MASP1: variants seen among roughly 807,000 people sequenced by gnomAD.
The protein encoded by MASP1 is MBL associated serine protease 1, also known as mannan-binding lectin serine protease 1.
A neutral mutation model predicts 77.1 loss-of-function variants in MASP1; 59 were observed. The observed-to-expected ratio is 0.77, with a 90% CI of 0.62 to 0.95. MASP1 has a LOEUF of 0.95. MASP1 is among the 40% of genes least tolerant of loss of function. MASP1 has a pLI of 0.00. For synonymous variants in MASP1, 362 were observed against 354.5 expected (o/e 1.02, Z -0.24); for missense variants, 885 against 912.9 (o/e 0.97, Z 0.39).
At position 187,253,329 on chromosome 3, in the gene MASP1, G is replaced by C. The variant is rs1474615599; in HGVS notation, c.745-14C>G. On this transcript the variant is annotated splice_polypyrimidine_tract_variant and intron_variant, in intron 5 of 10. Transcript: ENST00000296280. Reference sequence around the variant, plus strand: ...ACCAACTTTGATCTGCAAAATATGAGAGAGAGAGAGAGAAATAGAGTGTTC... The same window carrying C: ...ACCAACTTTGATCTGCAAAATATGACAGAGAGAGAGAGAAATAGAGTGTTC... The C allele has an allele frequency of 1.9e-6, 3 of 1,609,380 alleles. No individual in the cohort carries two copies. The highest frequency in any genetic ancestry group is 1.7e-6 in the Non-Finnish European group (2 of 1,176,572).
At chr3:187,278,264 A>G (rs1302798369) in intron 2 of MASP1, among the ~76,000 whole-genome samples, 2 of 152,326 alleles carry the variant, frequency 1.3e-5, no homozygotes, top group South Asian at 2.1e-4. Flanking sequence ...TGAGCTCCCA[A>G]CCACTGAGCA....
intron 2 of MASP1, among the ~76,000 whole-genome samples, chr3:187,278,980 C>A (rs1225597292): frequency 6.6e-6 from 1 of 152,116 alleles, no homozygotes; most frequent in African/African-American, 2.4e-5. Flanking sequence ...CCCACTGCCC[C>A]ACCCCTCCGC....
chr3:187,251,691 C>T lies in MASP1; in HGVS notation c.954G>A (p.Lys318=), dbSNP rs754731462. Residue 318 remains lysine (K), a synonymous_variant, in exon 7 of 11, where the codon AAG becomes AAA. Transcript: ENST00000296280. ...CGAGCACTTGGTCTTTGAAGAAATA[C>T]TTGGCTTGGGAGGGCTCGATTTTCC... is the stretch of plus-strand genomic sequence containing the variant. ...VHGKIEPSQA[K]YFFKDQVLVS... is the part of the protein sequence containing the mutation. The T allele has an allele frequency of 1.2e-6, 2 of 1,614,074 alleles. No homozygotes were observed. Among genetic ancestry groups the T allele is most frequent in the East Asian group, 2.2e-5 (1 of 44,894 alleles).
rs1273814501 is a variant in MASP1, at chr3:187,234,591, G to GA, written c.*1092dup. 7.8e-7 allele frequency: 1 copy of GA among 1,287,048 alleles called. No homozygotes were observed. The highest frequency in any genetic ancestry group is 1.0e-6 in the Non-Finnish European group (1 of 988,678). The allele number at this position is 1,287,048 out of a possible 1,614,324, so 79.7% of individuals were successfully genotyped here. On this transcript the variant is annotated 3_prime_UTR_variant, in exon 11 of 11. Transcript: ENST00000296280. ...GTGAGCCTCTGATTCCTTTGACTCT[G>GA]AAAAATGAAGGAGTGGGTCCCTCTG...
At chr3:187,289,174 G>GC (rs1579601068) in intron 1 of MASP1, among the ~76,000 whole-genome samples, 3 of 140,384 alleles carry the variant, frequency 2.1e-5, no homozygotes, top group Non-Finnish European at 3.0e-5. Flanking sequence ...GATTTCAGAG[G>GC]CCCCCCGTAG....
chr3:187,221,926 AT>A (rs1712085241), intron 14 of MASP1, among the ~76,000 whole-genome samples: 1 of 152,232 alleles, frequency 6.6e-6, no homozygotes, highest in African/African-American at 2.4e-5. Flanking sequence ...GATGTCTGGA[AT>A]AAAAAGAGGA....
Position 187,286,064 on chromosome 3 carries a change from A to G in MASP1, c.6-8T>C. On this transcript the variant is annotated splice_region_variant and splice_polypyrimidine_tract_variant and intron_variant, in intron 1 of 10. Coordinates refer to ENST00000296280, the MANE Select transcript of MASP1 (RefSeq NM_139125.4). Reference sequence around the variant, plus strand: ...TAATAGAGAAGCAGCCACCTGAAAGACATGAATGTAGGTCTACTTACATTT... The same window carrying G: ...TAATAGAGAAGCAGCCACCTGAAAGGCATGAATGTAGGTCTACTTACATTT... The G allele has an allele frequency of 6.2e-7, 1 of 1,606,942 alleles. No homozygotes were observed. The highest frequency in any genetic ancestry group is 8.5e-7 in the Non-Finnish European group (1 of 1,173,506).
intron 5 of MASP1, among the ~76,000 whole-genome samples, chr3:187,254,288 A>G (rs6786635): frequency 0.13 from 19,108 of 152,294 alleles, 1,379 homozygotes; most frequent in East Asian, 0.25. Flanking sequence ...ATGGTAATAT[A>G]ATAGATAATA....
At chr3:187,281,550 CA>C (rs1484287729) in intron 2 of MASP1, among the ~76,000 whole-genome samples, 1 of 152,224 alleles carries the variant, frequency 6.6e-6, no homozygotes, top group African/African-American at 2.4e-5. Context: ...GATATGTTTA[CA>C]AGTTCTGTGA....
chr3:187,256,682 G>A lies in MASP1; in HGVS notation c.726C>T (p.Cys242=), dbSNP rs754845693. The stretch of plus-strand genomic sequence containing the variant: ...GGCTCACCTTGATGTAGTCATAGGG[G>A]CAGGGCACCTCAGGATGGTCCTCAA... ...FDIEDHPEVP[C]PYDYIKIKVG... The change falls in exon 5 of 11, where the codon TGC becomes TGT. Residue 242 remains cysteine (C), a synonymous_variant. Transcript: ENST00000296280. 3.7e-6 allele frequency: 6 copies of A among 1,613,980 alleles called. No individual in the cohort carries two copies. The highest frequency in any genetic ancestry group is 5.1e-6 in the Non-Finnish European group (6 of 1,180,018).
chr3:187,288,857 C>T (rs1034661140), intron 1 of MASP1, among the ~76,000 whole-genome samples: 9 of 152,162 alleles, frequency 5.9e-5, no homozygotes, highest in Admixed American at 2.0e-4. Flanking sequence ...AACTGGTCAG[C>T]GTGGGAGGAA....
intron 9 of MASP1, chr3:187,242,158 C>T (rs1017801799): frequency 3.3e-5 from 5 of 153,122 alleles, no homozygotes; most frequent in African/African-American, 1.2e-4. Context: ...TTTGTGGCCA[C>T]CATCTCACTG....
intron 4 of MASP1, among the ~76,000 whole-genome samples, chr3:187,258,336 T>C (rs900197081): frequency 2.0e-5 from 3 of 152,220 alleles, no homozygotes; most frequent in African/African-American, 7.2e-5. Context: ...CACACCTGAA[T>C]GTCTCCCATC....
rs189322433 is a variant in MASP1, at chr3:187,237,167, A to C, written c.1304-600T>G. On this transcript the variant is annotated intron_variant, in intron 10 of 10. Transcript: ENST00000296280. ...TCTGGATTTCAATTTTTGATCTGCC[A>C]AATGAGGCATTTGGTCACAATGATC... Among the ~76,000 whole-genome samples the C allele has an allele frequency of 2.0e-3, 307 of 152,358 alleles. 2 individuals are homozygous for C. The highest frequency in any genetic ancestry group is 3.7e-3 in the Non-Finnish European group (249 of 68,038).
Position 187,243,628 on chromosome 3 carries a change from G to T in MASP1, c.1091-7C>A. The T allele has an allele frequency of 1.2e-6, 2 of 1,614,138 alleles. No individual in the cohort carries two copies. Among genetic ancestry groups the T allele is most frequent in the Non-Finnish European group, 1.7e-6 (2 of 1,180,052 alleles). On this transcript the variant is annotated splice_polypyrimidine_tract_variant and splice_region_variant and intron_variant, in intron 8 of 10. Transcript: ENST00000296280. The stretch of plus-strand genomic sequence containing the variant: ...GGGGCTCTACAGTCTACAACTGAGA[G>T]AGAAGAAGTGAGACCCCTCAACTGC...
rs544618995 is a variant in MASP1 at position 187,253,937 on chromosome 3, C to T, written c.745-622G>A. On this transcript the variant is annotated intron_variant, in intron 5 of 10. Coordinates refer to ENST00000296280, the MANE Select transcript of MASP1 (RefSeq NM_139125.4). ...CGGGTTGATGGGTGCAGCAAACCACCGTGGCACATGTATACCTATGTAACA... is the reference window on the plus strand; with the variant it reads ...CGGGTTGATGGGTGCAGCAAACCACTGTGGCACATGTATACCTATGTAACA... Among the ~76,000 whole-genome samples, 5 of 151,966 alleles carry T rather than the reference C, an allele frequency of 3.3e-5. No homozygotes were observed. In the East Asian group the frequency reaches 7.8e-4, roughly 24 times the overall value.
intron 8 of MASP1, among the ~76,000 whole-genome samples, chr3:187,249,565 A>G (rs1391493187): frequency 6.6e-6 from 1 of 152,192 alleles, no homozygotes; most frequent in Non-Finnish European, 1.5e-5. Flanking sequence ...AGGGGTTGGA[A>G]GCCTGTATTT....
chr3:187,266,256 A>G (rs979272959), intron 2 of MASP1, among the ~76,000 whole-genome samples: 1 of 152,250 alleles, frequency 6.6e-6, no homozygotes, highest in African/African-American at 2.4e-5. Context: ...TTCACCAAAT[A>G]TGTGTGTACT....
chr3:187,238,586 G>A (rs12107082), intron 10 of MASP1, among the ~76,000 whole-genome samples: 13,958 of 152,082 alleles, frequency 0.092, 1,261 homozygotes, highest in African/African-American at 0.23. Flanking sequence ...GAGGACAGTG[G>A]TTACTGAGGG....
Sources: gnomAD v4.1 joint callset for allele counts (sites outside exome capture counted in the v4.1 genomes callset) on GRCh38, gnomAD v4.1.1 for gene constraint, MANE v1.5 for transcripts, NCBI Gene and HGNC (gene_info 2026-07-23, HGNC 2026-07-21) for gene names.